FIGN: variants seen among roughly 807,000 people sequenced by gnomAD.
FIGN encodes the protein fidgetin.
Under a neutral mutation model 51.3 loss-of-function variants are expected in FIGN, and 11 were observed. The ratio of observed to expected loss-of-function variants is 0.21; its 90% CI spans 0.13 to 0.35. FIGN has a LOEUF of 0.35. Ranked by LOEUF, FIGN falls within the 10% of genes least tolerant of loss-of-function variation. The pLI, the probability that FIGN is intolerant of heterozygous loss-of-function variation, is 1.00. For synonymous variants in FIGN, 407 were observed against 363.2 expected, an observed-to-expected ratio of 1.12 and a Z score of -1.37; for missense variants, 857 against 943.6, an observed-to-expected ratio of 0.91 and a Z score of 1.20.
rs866216827 is a variant in FIGN, at chr2:163,610,981, G to A, written c.851C>T (p.Pro284Leu). Reference sequence around the variant, plus strand: ...GCCAGGAACAGTGGTGGGGGGTAGGGGGGTGGGAGCAGGAATTCCTGAAGG... The same window carrying A: ...GCCAGGAACAGTGGTGGGGGGTAGGAGGGTGGGAGCAGGAATTCCTGAAGG... ...YLPSGIPAPT[P>L]LPPTTVPGYT... Residue 284 changes from proline (P) to leucine (L), a missense_variant, in exon 3 of 3, where the codon CCC becomes CTC. Transcript: ENST00000333129. 1.9e-6 allele frequency: 3 copies of A among 1,613,726 alleles called. No individual in the cohort carries two copies. Among genetic ancestry groups the A allele is most frequent in the African/African-American group, 1.3e-5 (1 of 74,908 alleles).
At chr2:163,619,224 AT>A (rs1257729079) in intron 2 of FIGN, among the ~76,000 whole-genome samples, 1 of 152,190 alleles carries the variant, frequency 6.6e-6, no homozygotes, top group Non-Finnish European at 1.5e-5. Context: ...TATTAGTTGA[AT>A]ACACGAGCAT....
At position 163,658,697 on chromosome 2, in the gene FIGN, G is replaced by A. The variant is rs544830341; in HGVS notation, c.26-46891C>T. On this transcript the variant is annotated intron_variant, in intron 2 of 2. Transcript: ENST00000333129. Reference sequence around the variant, plus strand: ...CTAAGAGTGAGCACTCACTCTCTCCGGCAAGAATGACACCAAGCCATTCAG... The same window carrying A: ...CTAAGAGTGAGCACTCACTCTCTCCAGCAAGAATGACACCAAGCCATTCAG... Among the ~76,000 whole-genome samples the A allele has an allele frequency of 7.2e-5, 11 of 152,148 alleles. No homozygotes were observed. In the South Asian group the frequency reaches 1.0e-3, roughly 14 times the overall value.
intron 2 of FIGN, among the ~76,000 whole-genome samples, chr2:163,700,255 A>C (rs1044791804): frequency 6.6e-6 from 1 of 152,132 alleles, no homozygotes; most frequent in African/African-American, 2.4e-5. Flanking sequence ...CAGTGACATA[A>C]GGAAGGCACT....
chr2:163,677,322 T>C (rs1377689279), intron 2 of FIGN, among the ~76,000 whole-genome samples: 1 of 152,224 alleles, frequency 6.6e-6, no homozygotes, highest in Non-Finnish European at 1.5e-5. Flanking sequence ...CAAGCAAATA[T>C]GAACAATTTT....
At chr2:163,663,515 G>T (rs2105329022) in intron 2 of FIGN, among the ~76,000 whole-genome samples, 1 of 151,610 alleles carries the variant, frequency 6.6e-6, no homozygotes, top group East Asian at 2.0e-4. Context: ...TGTATTTTTA[G>T]TAGAGACGGG....
At chr2:163,733,821 G>C (rs1684968388) in intron 2 of FIGN, among the ~76,000 whole-genome samples, 1 of 151,976 alleles carries the variant, frequency 6.6e-6, no homozygotes, top group South Asian at 2.1e-4. Context: ...CAGTGACCAC[G>C]GCCACACTAC....
chr2:163,635,621 C>T (rs1419154828), intron 2 of FIGN, among the ~76,000 whole-genome samples: 2 of 151,956 alleles, frequency 1.3e-5, no homozygotes, highest in African/African-American at 4.8e-5. Flanking sequence ...TAGAAACAAA[C>T]ATTGTAAGTA....
intron 2 of FIGN, among the ~76,000 whole-genome samples, chr2:163,658,992 G>A (rs1440919463): frequency 6.6e-6 from 1 of 152,114 alleles, no homozygotes; most frequent in Non-Finnish European, 1.5e-5. Context: ...CAGCCAGAAA[G>A]GAGTCAGAAC....
intron 2 of FIGN, among the ~76,000 whole-genome samples, chr2:163,699,743 T>C (rs1684379303): frequency 1.3e-5 from 2 of 152,172 alleles, no homozygotes. Context: ...AATTTTTGAA[T>C]AGAAGAGCTA....
chr2:163,628,281 T>C (rs1473642375), intron 2 of FIGN, among the ~76,000 whole-genome samples: 2 of 152,160 alleles, frequency 1.3e-5, no homozygotes, highest in African/African-American at 4.8e-5. Flanking sequence ...TTGAGGTAGA[T>C]CTTGGACATT....
intron 2 of FIGN, among the ~76,000 whole-genome samples, chr2:163,686,317 A>G (rs1684147979): frequency 6.6e-6 from 1 of 152,186 alleles, no homozygotes; most frequent in African/African-American, 2.4e-5. Context: ...ACAGAGGGTG[A>G]AGGACTTCTA....
chr2:163,655,881 AT>A (rs1225289215), intron 2 of FIGN, among the ~76,000 whole-genome samples: 2 of 152,084 alleles, frequency 1.3e-5, no homozygotes, highest in Admixed American at 6.6e-5. Flanking sequence ...CAGAAAAGAC[AT>A]TTCAGTTCCT....
At chr2:163,650,558 A>T (rs1212129626) in intron 2 of FIGN, among the ~76,000 whole-genome samples, 1 of 150,992 alleles carries the variant, frequency 6.6e-6, no homozygotes, top group East Asian at 1.9e-4. Flanking sequence ...AACCCCCAAC[A>T]GGCCCCAGTG....
chr2:163,717,294 G>C (rs1022093949), intron 2 of FIGN, among the ~76,000 whole-genome samples: 1 of 152,058 alleles, frequency 6.6e-6, no homozygotes, highest in Non-Finnish European at 1.5e-5. Flanking sequence ...GGGGTGAGTG[G>C]GGCAGAGAAA....
rs757133510 is a variant in FIGN, at chr2:163,610,939, T to C, written c.893A>G (p.His298Arg). Residue 298 changes from histidine (H) to arginine (R), a missense_variant, in exon 3 of 3, where the codon CAT (histidine) becomes CGT (arginine). Physicochemically the swap from His to Arg is conservative, Grantham distance 29. This residue lies in a region of FIGN where 799 missense variants were observed against 849.5 expected (regional missense o/e 0.94). Coordinates refer to ENST00000333129, the MANE Select transcript of FIGN (RefSeq NM_018086.4). ...CGACGGTGCAATAGGTGTCAAACCA[T>C]GGCCCTGGTAGGTGTAGCCAGGAAC... is the stretch of plus-strand genomic sequence containing the variant. ...TTVPGYTYQG[H>R]GLTPIAPSAL... 6 of 1,605,680 alleles carry C rather than the reference T, an allele frequency of 3.7e-6. No individual in the cohort carries two copies. Among genetic ancestry groups the C allele is most frequent in the South Asian group, 1.1e-5 (1 of 90,888 alleles).
intron 2 of FIGN, among the ~76,000 whole-genome samples, chr2:163,691,525 T>G (rs1684239529): frequency 6.6e-6 from 1 of 152,138 alleles, no homozygotes; most frequent in Non-Finnish European, 1.5e-5. Context: ...CTACTTGATG[T>G]GACCTATTTT....
At position 163,611,845 on chromosome 2, in the gene FIGN, TAG is replaced by T. The variant is rs746213027; in HGVS notation, c.26-41_26-40del. 2.4e-5 allele frequency: 37 copies of T among 1,547,838 alleles called. No homozygotes were observed. The East Asian group carries it at 7.1e-4, about 30-fold the overall frequency. On this transcript the variant is annotated intron_variant, in intron 2 of 2. Transcript: ENST00000333129. ...GGGGAAAAGAGTTAATTTACTTAAA[TAG>T]GCATCAGAACTCTTAAAGCTTTTCC...
intron 2 of FIGN, among the ~76,000 whole-genome samples, chr2:163,647,779 C>T (rs1159098607): frequency 2.0e-5 from 3 of 151,994 alleles, no homozygotes; most frequent in Admixed American, 6.6e-5. Flanking sequence ...CAGCTCTCTG[C>T]GAGGTTGAAA....
chr2:163,623,294 A>G (rs1376927420), intron 2 of FIGN, among the ~76,000 whole-genome samples: 3 of 152,190 alleles, frequency 2.0e-5, no homozygotes, highest in Non-Finnish European at 4.4e-5. Context: ...TATCAAAACT[A>G]AGTATTATTT....
Sources: gnomAD v4.1 joint callset for allele counts (sites outside exome capture counted in the v4.1 genomes callset) on GRCh38, gnomAD v4.1.1 for gene constraint, gnomAD v4.1.1 regional missense constraint, MANE v1.5 for transcripts, NCBI Gene and HGNC (gene_info 2026-07-23, HGNC 2026-07-21) for gene names.